NHSL1: variants seen among roughly 807,000 people sequenced by gnomAD.
NHSL1 encodes NHS like 1.
In NHSL1, 48 loss-of-function variants were observed where a neutral mutation model predicts 95.0. The observed-to-expected ratio is 0.51, with a 90% CI of 0.40 to 0.64. The LOEUF (loss-of-function observed/expected upper bound fraction) is 0.64. Among genes scored for constraint, NHSL1 ranks in the 30% least tolerant of loss-of-function variants. The pLI is 0.00. For synonymous variants in NHSL1, 783 were observed against 833.9 expected (o/e 0.94, Z 1.05); for missense variants, 1,971 against 2,077.7 (o/e 0.95, Z 1.00).
chr6:138,504,948 C>A (rs989896608), intron 1 of NHSL1, among the ~76,000 whole-genome samples: 7 of 152,174 alleles, frequency 4.6e-5, no homozygotes, highest in African/African-American at 1.7e-4. Flanking sequence ...AAAAATTAAA[C>A]CTTGGCCACT....
rs187195962 is a variant in NHSL1 at position 138,599,908 on chromosome 6, G to C, written c.96+92568C>G. On this transcript the variant is annotated intron_variant, in intron 1 of 3. Transcript: ENST00000491526. ...TGTAATCCCAGCACTTTGAGAGGCC[G>C]AGGCGGGTGGATCACCTGAGGTCAG... Among the ~76,000 whole-genome samples the C allele has an allele frequency of 2.0e-5, 3 of 151,948 alleles. No homozygotes were observed. In the East Asian group the frequency reaches 5.8e-4, roughly 29 times the overall value.
intron 1 of NHSL1, among the ~76,000 whole-genome samples, chr6:138,555,258 G>GTAACTTACCATTTTGTTCATGGT (rs1156634589): frequency 6.6e-6 from 1 of 152,088 alleles, no homozygotes; most frequent in Non-Finnish European, 1.5e-5. Context: ...AGTTCTAGTA[G>GTAACTTACCATTTTGTTCATGGT]AAGTAACTTA....
At chr6:138,482,443 CT>C (rs1478975818) in intron 2 of NHSL1, among the ~76,000 whole-genome samples, 6 of 92,880 alleles carry the variant, frequency 6.5e-5, no homozygotes, top group East Asian at 3.4e-4. Context: ...GAGACTCCGT[CT>C]CAAAAAAAAA....
At chr6:138,684,317 T>C (rs1177280310) in intron 1 of NHSL1, among the ~76,000 whole-genome samples, 1 of 152,068 alleles carries the variant, frequency 6.6e-6, no homozygotes. Context: ...GTTTGAATAA[T>C]GCCAAAGGCT....
In NHSL1 at chr6:138,424,900, C is replaced by T; in HGVS notation, c.4086-84G>A. On this transcript the variant is annotated intron_variant, in intron 7 of 7. Transcript: ENST00000343505. The surrounding 1 kb of genome is among the most constrained non-coding windows in gnomAD (Gnocchi z 5.9). ...CACAACCACTCTGCTCTTATCGCAT[C>T]TTCAGGTCACCATCTACTTAAGATT... 9.2e-7 allele frequency: 1 copy of T among 1,091,050 alleles called. No homozygotes were observed. Among genetic ancestry groups the T allele is most frequent in the Non-Finnish European group, 1.3e-6 (1 of 772,658 alleles). 67.6% of individuals were successfully genotyped at this position (1,091,050 alleles called of 1,614,324 possible). A position where few individuals can be genotyped will look rare whatever the true frequency, so the allele number is the denominator to read the frequency against.
chr6:138,472,476 C>A (rs897335624), intron 3 of NHSL1, among the ~76,000 whole-genome samples: 235 of 152,204 alleles, frequency 1.5e-3, no homozygotes, highest in Admixed American at 7.6e-3. Flanking sequence ...AGGAAAAGGA[C>A]AATAAATTTT....
At position 138,441,976 on chromosome 6, in the gene NHSL1, G is replaced by A. The variant is rs937720522; in HGVS notation, c.664+7C>T. On this transcript the variant is annotated splice_region_variant and intron_variant, in intron 5 of 7. Coordinates refer to ENST00000343505, the MANE Select transcript of NHSL1 (RefSeq NM_001144060.2). ...GGGCAACAGAATACAGTTCTGATGAGCCATACCTAGCTCCTTCTGTATGTT... is the reference window on the plus strand; with the variant it reads ...GGGCAACAGAATACAGTTCTGATGAACCATACCTAGCTCCTTCTGTATGTT... The A allele has an allele frequency of 1.9e-6, 3 of 1,548,602 alleles. No individual in the cohort carries two copies. Among genetic ancestry groups the A allele is most frequent in the African/African-American group, 1.4e-5 (1 of 72,902 alleles).
chr6:138,683,032 C>T (rs761033208), intron 1 of NHSL1, among the ~76,000 whole-genome samples: 3 of 152,262 alleles, frequency 2.0e-5, no homozygotes, highest in Non-Finnish European at 2.9e-5. Context: ...AGCTAGGAAG[C>T]GAGGTGGGAG....
intron 1 of NHSL1, among the ~76,000 whole-genome samples, chr6:138,629,125 T>C (rs1292898507): frequency 6.6e-6 from 1 of 152,214 alleles, no homozygotes; most frequent in African/African-American, 2.4e-5. Context: ...TAATCTTAAG[T>C]TCTGCCGCCT....
chr6:138,474,189 T>C (rs570761246), intron 2 of NHSL1, among the ~76,000 whole-genome samples: 2 of 152,190 alleles, frequency 1.3e-5, no homozygotes, highest in African/African-American at 4.8e-5. Context: ...TTCCAATGGC[T>C]CTTTAAAGCA....
intron 2 of NHSL1, among the ~76,000 whole-genome samples, chr6:138,494,409 C>G (rs1780233469): frequency 6.6e-6 from 1 of 152,182 alleles, no homozygotes; most frequent in South Asian, 2.1e-4. Flanking sequence ...ACTTGGAGAT[C>G]TTGGGAAAGT....
chr6:138,501,284 C>T (rs1780662261), upstream of NHSL1, among the ~76,000 whole-genome samples: 1 of 152,204 alleles, frequency 6.6e-6, no homozygotes, highest in Non-Finnish European at 1.5e-5. Context: ...GCTACTCTTT[C>T]ATTTCATTGG....
chr6:138,597,902 A>C (rs1784321912), intron 1 of NHSL1, among the ~76,000 whole-genome samples: 1 of 152,216 alleles, frequency 6.6e-6, no homozygotes, highest in South Asian at 2.1e-4. Context: ...ACTGACCTAC[A>C]GGTTATGCCA....
At chr6:138,495,930 C>T (rs1583302547) in intron 2 of NHSL1, among the ~76,000 whole-genome samples, 1 of 152,274 alleles carries the variant, frequency 6.6e-6, no homozygotes, top group Non-Finnish European at 1.5e-5. Flanking sequence ...GACTCATTCA[C>T]TATCATGAGA....
intron 1 of NHSL1, among the ~76,000 whole-genome samples, chr6:138,674,609 G>A (rs1423227991): frequency 6.6e-6 from 1 of 152,098 alleles, no homozygotes; most frequent in Non-Finnish European, 1.5e-5. Context: ...TGAGGATAAT[G>A]GCTTCCCACT....
At chr6:138,440,643 T>A (rs1053879628) in intron 5 of NHSL1, among the ~76,000 whole-genome samples, 1 of 152,252 alleles carries the variant, frequency 6.6e-6, no homozygotes, top group African/African-American at 2.4e-5. Context: ...CAAAAGTGGA[T>A]GGCAGTAAAG....
intron 1 of NHSL1, among the ~76,000 whole-genome samples, chr6:138,691,413 G>C (rs1785667364): frequency 6.6e-6 from 1 of 152,152 alleles, no homozygotes; most frequent in Non-Finnish European, 1.5e-5. Flanking sequence ...TGAAAATTTT[G>C]AACTCTTAGG....
chr6:138,671,571 G>A (rs1226468910), intron 1 of NHSL1, among the ~76,000 whole-genome samples: 2 of 152,032 alleles, frequency 1.3e-5, no homozygotes, highest in Admixed American at 6.5e-5. Flanking sequence ...CAGTGAAGGA[G>A]GTCACACAGA....
chr6:138,654,229 A>G (rs1314430266), intron 1 of NHSL1, among the ~76,000 whole-genome samples: 4 of 152,256 alleles, frequency 2.6e-5, no homozygotes, highest in Admixed American at 2.6e-4. Context: ...GGACAGGAAA[A>G]TGGAAATTTA....
Sources: allele counts gnomAD v4.1 joint callset (sites outside exome capture counted in the v4.1 genomes callset), GRCh38; gene constraint gnomAD v4.1.1; non-coding constraint Gnocchi (gnomAD v3.1); transcripts MANE v1.5; gene names NCBI Gene and HGNC (gene_info 2026-07-23, HGNC 2026-07-21).